ULK4: variants seen among roughly 807,000 people sequenced by gnomAD.
The protein encoded by ULK4 is unc-51 like kinase 4.
Under a neutral mutation model 160.6 loss-of-function variants are expected in ULK4, and 133 were observed. The ratio of observed to expected loss-of-function variants is 0.83; its 90% CI spans 0.72 to 0.96. The LOEUF is 0.96. ULK4 is among the 40% of genes least tolerant of loss of function. The pLI is 0.00. For missense variants in ULK4, 1,580 were observed against 1,499.5 expected, an observed-to-expected ratio of 1.05 and a Z score of -0.89; for synonymous variants, 534 against 539.8, an observed-to-expected ratio of 0.99 and a Z score of 0.15.
At chr3:41,685,880 C>T (rs1286214207) in intron 27 of ULK4, among the ~76,000 whole-genome samples, 1 of 152,108 alleles carries the variant, frequency 6.6e-6, no homozygotes, top group East Asian at 1.9e-4. Flanking sequence ...TTCTATTGCA[C>T]TGAGAGCCCA....
chr3:41,587,596 C>T (rs935828515), intron 31 of ULK4, among the ~76,000 whole-genome samples: 2 of 152,062 alleles, frequency 1.3e-5, no homozygotes, highest in African/African-American at 4.8e-5. Context: ...TCATTTGGTA[C>T]CTTAGTTCCC....
At chr3:41,257,313 A>G (rs1019937727) in intron 35 of ULK4, among the ~76,000 whole-genome samples, 1 of 152,260 alleles carries the variant, frequency 6.6e-6, no homozygotes, top group South Asian at 2.1e-4. Flanking sequence ...GTGCTTTGGA[A>G]GACGATTTGG....
At chr3:41,807,138 A>C (rs2040667559) in intron 19 of ULK4, among the ~76,000 whole-genome samples, 1 of 152,180 alleles carries the variant, frequency 6.6e-6, no homozygotes, top group African/African-American at 2.4e-5. Context: ...AAAAAAATAA[A>C]AAAATTTACA....
intron 22 of ULK4, among the ~76,000 whole-genome samples, chr3:41,741,058 A>G (rs2038224662): frequency 6.6e-6 from 1 of 151,960 alleles, no homozygotes; most frequent in Non-Finnish European, 1.5e-5. Context: ...GTGAACTTTC[A>G]CTGCCTCAAG....
At position 41,418,086 on chromosome 3, in the gene ULK4, T is replaced by A. The variant is rs1002269270; in HGVS notation, c.3493-19822A>T. On this transcript the variant is annotated intron_variant, in intron 34 of 36. Transcript: ENST00000301831. ...CTACTTCCATACCCAATAATCTACC[T>A]TAGTCCAAGCTCCTTTGCCTTATCG... 1.6e-4 allele frequency among the ~76,000 whole-genome samples: 24 copies of A among 152,174 alleles called. 1 individual carries two copies. The highest frequency in any genetic ancestry group is 1.6e-3 in the Admixed American group (24 of 15,280).
In ULK4 at chr3:41,681,795, A is replaced by G; in HGVS notation, c.2791T>C (p.Tyr931His). 6.2e-7 allele frequency: 1 copy of G among 1,614,060 alleles called. No individual in the cohort carries two copies. The change falls in exon 28 of 37, where the codon TAT (tyrosine) becomes CAT (histidine). Residue 931 changes from tyrosine to histidine, a missense_variant. By Grantham distance (83) the Tyr-to-His change is moderately conservative. Coordinates refer to ENST00000301831, the MANE Select transcript of ULK4 (RefSeq NM_017886.4). ...AAGGACACCAAGGGTGGCAGTATAT[A>G]GTCAACAACCTAAAAGAAAGCATGT... ...LKDYRSTVVD[Y>H]ILPPLVSLVQ... is the part of the protein sequence containing the mutation.
intron 32 of ULK4, among the ~76,000 whole-genome samples, chr3:41,519,464 A>T (rs910214192): frequency 6.6e-6 from 1 of 152,182 alleles, no homozygotes; most frequent in African/African-American, 2.4e-5. Flanking sequence ...TAAATCTTCC[A>T]CTAATAATTA....
At chr3:41,938,312 G>T in intron 2 of ULK4, 115 bp from the exon 3 acceptor site, 2 of 733,242 alleles carry the variant, frequency 2.7e-6, no homozygotes, top group South Asian at 4.2e-5. Flanking sequence ...ACATTTATTT[G>T]GTGGAATTCT....
At chr3:41,514,033 TGCTTC>T (rs1278103239) in intron 32 of ULK4, among the ~76,000 whole-genome samples, 4 of 152,204 alleles carry the variant, frequency 2.6e-5, no homozygotes, top group African/African-American at 9.6e-5. Context: ...TCCAACTGTT[TGCTTC>T]AAGAAGTGAA....
At chr3:41,813,732 G>T (rs1226985782) in intron 19 of ULK4, among the ~76,000 whole-genome samples, 6 of 152,196 alleles carry the variant, frequency 3.9e-5, no homozygotes, top group Admixed American at 1.3e-4. Flanking sequence ...TTCTAGTGAA[G>T]AAATGTATGT....
chr3:41,300,425 T>C (rs1322718395), intron 35 of ULK4, among the ~76,000 whole-genome samples: 2 of 152,146 alleles, frequency 1.3e-5, no homozygotes, highest in Non-Finnish European at 2.9e-5. Context: ...AATGTATGCT[T>C]ATAAGGGGCA....
chr3:41,491,831 T>G (rs1018479994), intron 32 of ULK4, among the ~76,000 whole-genome samples: 1 of 151,952 alleles, frequency 6.6e-6, no homozygotes, highest in Non-Finnish European at 1.5e-5. Context: ...GCTGCACCCA[T>G]TAACTCGTCA....
At chr3:41,355,734 T>C (rs1162331534) in intron 35 of ULK4, among the ~76,000 whole-genome samples, 1 of 152,220 alleles carries the variant, frequency 6.6e-6, no homozygotes, top group Admixed American at 6.5e-5. Context: ...CATGGAATAG[T>C]GCATCACCAC....
At chr3:41,680,068 TC>T (rs2035870674) in intron 29 of ULK4, among the ~76,000 whole-genome samples, 1 of 152,176 alleles carries the variant, frequency 6.6e-6, no homozygotes, top group Admixed American at 6.5e-5. Context: ...TAAGGAATTT[TC>T]TTGTCAGAAA....
chr3:41,873,032 A>G (rs1697157667), intron 17 of ULK4, among the ~76,000 whole-genome samples: 1 of 152,086 alleles, frequency 6.6e-6, no homozygotes, highest in South Asian at 2.1e-4. Context: ...AGACACCTGT[A>G]ATCCCAGCTA....
chr3:41,570,438 A>G (rs904439023), intron 31 of ULK4, among the ~76,000 whole-genome samples: 1 of 152,178 alleles, frequency 6.6e-6, no homozygotes, highest in Admixed American at 6.5e-5. Context: ...AGATGACACT[A>G]CATGTTACTC....
At chr3:41,726,978 G>A (rs908563141) in intron 22 of ULK4, among the ~76,000 whole-genome samples, 3 of 151,924 alleles carry the variant, frequency 2.0e-5, no homozygotes, top group Non-Finnish European at 2.9e-5. Context: ...TTTCTCCCCA[G>A]GACATACCCA....
intron 32 of ULK4, among the ~76,000 whole-genome samples, chr3:41,556,885 T>C (rs781770160): frequency 2.6e-5 from 4 of 152,128 alleles, no homozygotes; most frequent in Non-Finnish European, 5.9e-5. Context: ...AGCATTAATA[T>C]TAAAATCTGG....
At chr3:41,389,969 C>G (rs1239911494) in intron 35 of ULK4, among the ~76,000 whole-genome samples, 4 of 152,160 alleles carry the variant, frequency 2.6e-5, no homozygotes, top group African/African-American at 7.2e-5. Flanking sequence ...CCTTGTACCT[C>G]TGGTAGAATT....
Sources: allele counts gnomAD v4.1 joint callset (sites outside exome capture counted in the v4.1 genomes callset), GRCh38; gene constraint gnomAD v4.1.1; transcripts MANE v1.5; gene names NCBI Gene and HGNC (gene_info 2026-07-23, HGNC 2026-07-21).